TRAP1: variants seen among roughly 807,000 people sequenced by gnomAD.
The protein encoded by TRAP1 is TNF receptor associated protein 1, also known as heat shock protein 75 kDa, mitochondrial.
A neutral mutation model predicts 89.1 loss-of-function variants in TRAP1; 102 were observed. That is an observed-to-expected ratio of 1.15 (90% CI 0.98 to 1.35). The LOEUF (loss-of-function observed/expected upper bound fraction) is 1.35. Ranked by LOEUF, TRAP1 falls within the 40% of genes most tolerant of loss-of-function variation. The pLI is 0.00. For missense variants in TRAP1, 1,256 were observed against 945.3 expected, an observed-to-expected ratio of 1.33 and a Z score of -4.31; for synonymous variants, 508 against 388.0, an observed-to-expected ratio of 1.31 and a Z score of -3.64.
At chr16:3,714,076 T>C (rs1301426635) in intron 1 of TRAP1, among the ~76,000 whole-genome samples, 2 of 152,182 alleles carry the variant, frequency 1.3e-5, no homozygotes, top group Non-Finnish European at 2.9e-5. Context: ...ACATGGAACG[T>C]TCCTCCCTCC....
chr16:3,714,589 G>C (rs1355445780), intron 1 of TRAP1, among the ~76,000 whole-genome samples: 1 of 152,214 alleles, frequency 6.6e-6, no homozygotes. Context: ...AACCCAGGAG[G>C]CGGAGGGTGT....
At chr16:3,685,132 G>C (rs187540593) in intron 4 of TRAP1, among the ~76,000 whole-genome samples, 1 of 152,130 alleles carries the variant, frequency 6.6e-6, no homozygotes. Flanking sequence ...AGCACAGGGC[G>C]CTGCAGCCCT....
At position 3,665,977 on chromosome 16, in the gene TRAP1, C is replaced by T; in HGVS notation, c.1377G>A (p.Glu459=). 2 of 1,613,364 alleles carry T rather than the reference C, an allele frequency of 1.2e-6. No individual in the cohort carries two copies. Among genetic ancestry groups the T allele is most frequent in the South Asian group, 2.2e-5 (2 of 90,960 alleles). ...TGGAACACAGCTCCTATACCTTGAC[C>T]TCCTGCTCGGTGGCGGTCACAATGC... is the stretch of plus-strand genomic sequence containing the variant. The part of the protein sequence containing the change: ...REGIVTATEQ[E]VKEDIAKLLR... Residue 459 remains glutamate, a synonymous_variant, in exon 12 of 18, where the codon GAG becomes GAA. Coordinates refer to ENST00000246957, the MANE Select transcript of TRAP1 (RefSeq NM_016292.3).
intron 12 of TRAP1, chr16:3,664,726 T>C (rs905273314): frequency 2.4e-6 from 1 of 421,354 alleles, no homozygotes; most frequent in East Asian, 4.9e-5. Context: ...CACCACGCCC[T>C]GGGAGGGGAC....
intron 16 of TRAP1, chr16:3,660,567 C>T (rs765186909): frequency 2.6e-5 from 4 of 152,140 alleles, no homozygotes; most frequent in African/African-American, 4.8e-5. Context: ...ACCTGGTGTC[C>T]GCCTCACTGA....
chr16:3,714,723 G>A (rs2051575003), intron 1 of TRAP1, among the ~76,000 whole-genome samples: 1 of 152,116 alleles, frequency 6.6e-6, no homozygotes, highest in Admixed American at 6.6e-5. Flanking sequence ...GGGTCAGTGA[G>A]GTCTGAAAGG....
chr16:3,670,957 G>A (rs2050905242), intron 11 of TRAP1, among the ~76,000 whole-genome samples: 1 of 152,106 alleles, frequency 6.6e-6, no homozygotes, highest in Non-Finnish European at 1.5e-5. Context: ...CCACAGCGCA[G>A]CCCCAACACA....
chr16:3,665,913 C>G (rs1212038081), intron 12 of TRAP1, 58 bp downstream of exon 12: 22 of 1,571,482 alleles, frequency 1.4e-5, no homozygotes, highest in Admixed American at 3.9e-5. Flanking sequence ...CACCAGCTTC[C>G]TCAGCAGCCC....
At chr16:3,680,312 C>T (rs190158860) in intron 4 of TRAP1, among the ~76,000 whole-genome samples, 14 of 152,152 alleles carry the variant, frequency 9.2e-5, no homozygotes, top group African/African-American at 3.1e-4. Flanking sequence ...CAGGAAGGGA[C>T]AGCAGAAAGT....
chr16:3,660,891 T>A (rs2043035688), intron 16 of TRAP1: 1 of 152,094 alleles, frequency 6.6e-6, no homozygotes, highest in African/African-American at 2.4e-5. Context: ...CCCACTGCAC[T>A]CCAACCTGGG....
chr16:3,668,922 G>A (rs149732636), intron 11 of TRAP1, among the ~76,000 whole-genome samples: 13 of 152,330 alleles, frequency 8.5e-5, no homozygotes, highest in Non-Finnish European at 1.0e-4. Context: ...CAGCCGCCTC[G>A]GCCCGCAGGG....
Position 3,662,161 on chromosome 16 carries a change from A to G in TRAP1, c.1795-29T>C, listed in dbSNP as rs762799153. ...TGAGCAAAGCCCGGGGTTGAGGGTG[A>G]TAGAGGTTCCCAATGTGAGAGGGCT... On this transcript the variant is annotated intron_variant, in intron 15 of 17. Coordinates refer to ENST00000246957, the MANE Select transcript of TRAP1 (RefSeq NM_016292.3). The G allele has an allele frequency of 5.0e-6, 8 of 1,596,370 alleles. No individual in the cohort carries two copies. The South Asian group carries it at 7.8e-5, about 16-fold the overall frequency.
chr16:3,668,476 C>G (rs1381051804), intron 11 of TRAP1, among the ~76,000 whole-genome samples: 7 of 152,160 alleles, frequency 4.6e-5, no homozygotes, highest in Admixed American at 3.9e-4. Context: ...GAAGGACATC[C>G]TTGTTTGTTG....
intron 9 of TRAP1, among the ~76,000 whole-genome samples, 166 bp from the exon 10 acceptor site, chr16:3,672,986 C>T (rs1383775923): frequency 2.0e-5 from 3 of 152,144 alleles, no homozygotes; most frequent in African/African-American, 7.2e-5. Context: ...CGATGCCCCA[C>T]ACTGTGGCTC....
chr16:3,716,013 C>T (rs2051593993), intron 1 of TRAP1, among the ~76,000 whole-genome samples: 1 of 152,090 alleles, frequency 6.6e-6, no homozygotes. Context: ...CAGGCGCGCG[C>T]CACCACACCC....
At chr16:3,694,000 CAAA>C (rs36111419) in intron 1 of TRAP1, among the ~76,000 whole-genome samples, 250 of 132,760 alleles carry the variant, frequency 1.9e-3, no homozygotes, top group Middle Eastern at 4.0e-3. Flanking sequence ...GACTCTGTCT[CAAA>C]AAAAAAAAAA....
intron 15 of TRAP1, 43 bp downstream of exon 15, chr16:3,662,839 G>A (rs1400238175): frequency 1.9e-6 from 3 of 1,596,184 alleles, no homozygotes; most frequent in East Asian, 2.2e-5. Flanking sequence ...GCCTGTTAGG[G>A]ACACTGCGGC....
At chr16:3,658,747 G>GCTGGTAGC (rs780020921) in intron 17 of TRAP1, 46 bp downstream of exon 17, 2 of 1,571,938 alleles carry the variant, frequency 1.3e-6, no homozygotes, top group Non-Finnish European at 1.7e-6. Flanking sequence ...GGCTGGCAGG[G>GCTGGTAGC]CTGGTAGCCT....
intron 1 of TRAP1, among the ~76,000 whole-genome samples, chr16:3,712,505 T>C (rs1000515013): frequency 6.6e-6 from 1 of 152,048 alleles, no homozygotes; most frequent in African/African-American, 2.4e-5. Flanking sequence ...CCTCTCTTCC[T>C]GCCAAGGGGT....
Sources: gnomAD v4.1 joint callset for allele counts (sites outside exome capture counted in the v4.1 genomes callset) on GRCh38, gnomAD v4.1.1 for gene constraint, MANE v1.5 for transcripts, NCBI Gene and HGNC (gene_info 2026-07-23, HGNC 2026-07-21) for gene names.